The following NCF2 variants were observed in gnomAD, a reference collection of about 807,000 sequenced individuals.
NCF2 encodes neutrophil cytosol factor 2.
Under a neutral mutation model 70.9 loss-of-function variants are expected in NCF2, and 45 were observed. The ratio of observed to expected loss-of-function variants is 0.63; its 90% CI spans 0.50 to 0.81. The LOEUF is 0.81. Ranked by LOEUF, NCF2 falls within the 40% of genes least tolerant of loss-of-function variation. The pLI is 0.00. For missense variants in NCF2, 522 were observed against 631.6 expected (o/e 0.83, Z 1.86); for synonymous variants, 203 against 233.6 (o/e 0.87, Z 1.19).
At chr1:183,561,779 CTTTTTTTTTTTTTTTTTTTTTTTTT>C (rs57218247) in intron 13 of NCF2, among the ~76,000 whole-genome samples, 3 of 65,162 alleles carry the variant, frequency 4.6e-5, no homozygotes, top group Admixed American at 2.0e-4. Flanking sequence ...TACCAGGCCT[CTTTTTTTTTTTTTTTTTTTTTTTTT>C]TTTTTTTTTT....
At chr1:183,578,246 G>C (rs898379334) in intron 2 of NCF2, among the ~76,000 whole-genome samples, 9 of 151,920 alleles carry the variant, frequency 5.9e-5, no homozygotes, top group Non-Finnish European at 1.2e-4. Context: ...TCAACTTAGA[G>C]CTTGGTTTTG....
upstream of NCF2, among the ~76,000 whole-genome samples, chr1:183,595,130 T>C (rs1301119414): frequency 6.6e-6 from 1 of 152,230 alleles, no homozygotes; most frequent in Non-Finnish European, 1.5e-5. Flanking sequence ...GTGAGGTACA[T>C]TTAGACTAGT....
chr1:183,577,680 T>C lies in NCF2; in HGVS notation c.285A>G (p.Lys95=). The C allele has an allele frequency of 6.2e-7, 1 of 1,613,850 alleles. No homozygotes were observed. The highest frequency in any genetic ancestry group is 8.5e-7 in the Non-Finnish European group (1 of 1,179,712). The change falls in exon 3 of 15, where the codon AAA becomes AAG. Residue 95 remains lysine, a synonymous_variant. Transcript: ENST00000367535. ...TCCCTCGAAGCTGAATCAAGGCTTC[T>C]TTAAGGTCTTTGATAGCCAAATCAT... ...EKYDLAIKDL[K]EALIQLRGNQ...
intron 10 of NCF2, among the ~76,000 whole-genome samples, chr1:183,564,690 A>G (rs1399166497): frequency 1.3e-5 from 2 of 152,174 alleles, no homozygotes; most frequent in African/African-American, 4.8e-5. Context: ...TCACAAAATC[A>G]TCCTAGGTTT....
intron 7 of NCF2, chr1:183,567,659 G>C (rs1672372271): frequency 2.2e-6 from 1 of 448,684 alleles, no homozygotes; most frequent in Non-Finnish European, 4.2e-6. Context: ...GTGTCATCTT[G>C]GCCAGCACCC....
At chr1:183,592,449 C>T (rs1287303674), upstream of NCF2, among the ~76,000 whole-genome samples, 1 of 152,210 alleles carries the variant, frequency 6.6e-6, no homozygotes, top group Admixed American at 6.5e-5. Flanking sequence ...TTGCATCATA[C>T]TTACTGCAAT....
chr1:183,590,073 G>A, intron 1 of NCF2, 83 bp downstream of exon 1: 6 of 1,589,706 alleles, frequency 3.8e-6, no homozygotes, highest in Non-Finnish European at 5.2e-6. Flanking sequence ...CTCCCCAGAG[G>A]TTAGGTTTCC....
At chr1:183,598,836 G>A in the NCF2 span, among the ~76,000 whole-genome samples, 1 of 152,180 alleles carries the variant, frequency 6.6e-6, no homozygotes, top group Non-Finnish European at 1.5e-5. Flanking sequence ...TTAAAAACCA[G>A]GAATCGATAG....
At chr1:183,581,919 G>A (rs1021104216) in intron 2 of NCF2, among the ~76,000 whole-genome samples, 2 of 152,024 alleles carry the variant, frequency 1.3e-5, no homozygotes, top group Non-Finnish European at 2.9e-5. Context: ...CGCCCGCCTC[G>A]GCCTCCCAAA....
In NCF2 at chr1:183,577,192, C is replaced by T. The variant is rs563249922; in HGVS notation, c.366+407G>A. On this transcript the variant is annotated intron_variant, in intron 3 of 14. Transcript: ENST00000367535. ...GAGCAAGCTTCTGGCAGGTCCTGCA[C>T]GGACAATGAACTCATGATTTTGGAT... Among the ~76,000 whole-genome samples, 152 of 152,268 alleles carry T rather than the reference C, an allele frequency of 1.0e-3. 1 individual carries two copies. The highest frequency in any genetic ancestry group is 3.5e-3 in the African/African-American group (145 of 41,544).
rs147415774 is a variant in NCF2 at position 183,590,217 on chromosome 1, C to T, written c.113G>A (p.Arg38Gln). 2,265 of 1,614,170 alleles carry T rather than the reference C, an allele frequency of 1.4e-3. 7 individuals carry two copies. The highest frequency in any genetic ancestry group is 1.7e-3 in the Non-Finnish European group (1,950 of 1,180,032). Residue 38 changes from arginine (R) to glutamine (Q), a missense_variant, in exon 1 of 15, where the codon CGG becomes CAG. Coordinates refer to ENST00000367535, the MANE Select transcript of NCF2 (RefSeq NM_000433.4). ...AFSAVQDPHSRICFNIGCMYT... is the reference protein window; with the variant it reads ...AFSAVQDPHSQICFNIGCMYT... ...CATGCAGCCAATGTTGAAGCAAATCCGGGAGTGGGGGTCCTGGACGGCACT... is the reference window on the plus strand; with the variant it reads ...CATGCAGCCAATGTTGAAGCAAATCTGGGAGTGGGGGTCCTGGACGGCACT...
chr1:183,601,085 A>G, the NCF2 span, among the ~76,000 whole-genome samples: 1 of 152,244 alleles, frequency 6.6e-6, no homozygotes, highest in African/African-American at 2.4e-5. Context: ...TCCTCCTCTC[A>G]GTGTCAAACT....
Position 183,567,271 on chromosome 1 carries a change from G to A in NCF2, c.788C>T (p.Pro263Leu). The A allele has an allele frequency of 6.2e-7, 1 of 1,614,132 alleles. No individual in the cohort carries two copies. The highest frequency in any genetic ancestry group is 8.5e-7 in the Non-Finnish European group (1 of 1,180,036). The stretch of plus-strand genomic sequence containing the variant: ...CTTCAAGACAAAGACAATGTTCCCT[G>A]GCATGACCTGGAGCTCTTCTTTTGT... ...PETKEELQVM[P>L]GNIVFVLKKG... Residue 263 changes from proline to leucine, a missense_variant, in exon 8 of 15, where the codon CCA (proline) becomes CTA (leucine). By Grantham distance (98) the Pro-to-Leu change is moderately conservative (BLOSUM62 -3). Transcript: ENST00000367535.
At chr1:183,565,931 A>T (rs1444871617) in intron 9 of NCF2, 152 bp from the exon 10 acceptor site, 5 of 768,564 alleles carry the variant, frequency 6.5e-6, no homozygotes, top group African/African-American at 1.7e-5. Flanking sequence ...TTTGGGGAAG[A>T]CGAAGGAAAT....
the NCF2 span, among the ~76,000 whole-genome samples, chr1:183,598,844 T>C: frequency 6.6e-6 from 1 of 152,204 alleles, no homozygotes; most frequent in Admixed American, 6.5e-5. Context: ...CAGGAATCGA[T>C]AGAATTTGTA....
At chr1:183,583,987 G>T (rs1035847521) in intron 2 of NCF2, among the ~76,000 whole-genome samples, 10 of 152,196 alleles carry the variant, frequency 6.6e-5, no homozygotes, top group African/African-American at 2.2e-4. Context: ...AAAAATGAGG[G>T]TCTCAACCAA....
At chr1:183,558,994 G>A (rs1671917326) in intron 14 of NCF2, among the ~76,000 whole-genome samples, 3 of 152,210 alleles carry the variant, frequency 2.0e-5, no homozygotes. Context: ...TTTATGATGG[G>A]ACTTTTTTGT....
intron 4 of NCF2, among the ~76,000 whole-genome samples, 154 bp from the exon 5 acceptor site, chr1:183,573,446 G>C (rs934300888): frequency 6.6e-6 from 1 of 152,122 alleles, no homozygotes; most frequent in African/African-American, 2.4e-5. Flanking sequence ...GGGTGTTAAG[G>C]TAGGAACCCT....
upstream of NCF2, among the ~76,000 whole-genome samples, chr1:183,594,155 T>C (rs1168183305): frequency 3.3e-5 from 5 of 152,222 alleles, no homozygotes; most frequent in Non-Finnish European, 7.3e-5. Context: ...ATGGCTCACA[T>C]CTGTAATCCC....
Sources: allele counts gnomAD v4.1 joint callset (sites outside exome capture counted in the v4.1 genomes callset), GRCh38; gene constraint gnomAD v4.1.1; transcripts MANE v1.5; gene names NCBI Gene and HGNC (gene_info 2026-07-23, HGNC 2026-07-21).